Variants in GPC5 observed in about 807,000 individuals in gnomAD.
GPC5 encodes glypican-5.
In GPC5, 47 loss-of-function variants were observed where a neutral mutation model predicts 53.9. That is an observed-to-expected ratio of 0.87 (90% confidence interval 0.69 to 1.11). The LOEUF is 1.11. Among genes scored for constraint, GPC5 ranks in the 50% most tolerant of loss-of-function variants. The pLI is 0.00. For missense variants in GPC5, 748 were observed against 713.1 expected (o/e 1.05, Z -0.56); for synonymous variants, 286 against 263.3 (o/e 1.09, Z -0.84).
At chr13:92,264,676 T>A (rs2139146147) in intron 7 of GPC5, among the ~76,000 whole-genome samples, 1 of 152,216 alleles carries the variant, frequency 6.6e-6, no homozygotes, top group Non-Finnish European at 1.5e-5. Flanking sequence ...TTTTTTTTTT[T>A]TCTTATTTCT....
At chr13:92,317,668 A>AT (rs2043188579) in intron 7 of GPC5, among the ~76,000 whole-genome samples, 1 of 148,184 alleles carries the variant, frequency 6.7e-6, no homozygotes, top group African/African-American at 2.5e-5. Context: ...AATTTTTTTT[A>AT]TTTTTTTATT....
intron 2 of GPC5, among the ~76,000 whole-genome samples, chr13:91,604,084 C>T (rs914536461): frequency 3.4e-5 from 5 of 147,660 alleles, no homozygotes; most frequent in South Asian, 2.2e-4. Context: ...GTATATCTCC[C>T]GATGCTATCC....
chr13:92,648,690 G>C (rs1016120931), intron 7 of GPC5, among the ~76,000 whole-genome samples: 1 of 152,014 alleles, frequency 6.6e-6, no homozygotes, highest in African/African-American at 2.4e-5. Flanking sequence ...ATATTTAATA[G>C]AACAAAACTC....
intron 2 of GPC5, among the ~76,000 whole-genome samples, chr13:91,656,669 A>C (rs988594565): frequency 1.3e-5 from 2 of 152,188 alleles, no homozygotes; most frequent in African/African-American, 4.8e-5. Context: ...ACTTCTGTTA[A>C]GGCATTTCTG....
intron 7 of GPC5, among the ~76,000 whole-genome samples, chr13:92,251,852 A>C (rs1344764294): frequency 6.6e-6 from 1 of 152,134 alleles, no homozygotes; most frequent in African/African-American, 2.4e-5. Context: ...GCTCATTTTT[A>C]AATCACGTGT....
chr13:92,233,919 T>C (rs1426125962), intron 7 of GPC5, among the ~76,000 whole-genome samples: 1 of 152,162 alleles, frequency 6.6e-6, no homozygotes, highest in African/African-American at 2.4e-5. Context: ...TTTGGTTTTT[T>C]GTCCTTGCGA....
At chr13:92,535,893 G>GA (rs1448133511) in intron 7 of GPC5, among the ~76,000 whole-genome samples, 1 of 152,070 alleles carries the variant, frequency 6.6e-6, no homozygotes, top group African/African-American at 2.4e-5. Flanking sequence ...GGAGTAGTGT[G>GA]AGCATTGATA....
chr13:91,856,544 C>T (rs182503541), intron 5 of GPC5, among the ~76,000 whole-genome samples: 2 of 151,328 alleles, frequency 1.3e-5, no homozygotes, highest in Admixed American at 6.6e-5. Context: ...TTTGTATTTA[C>T]ACAAAATTAA....
chr13:91,970,779 T>C (rs147662237), intron 6 of GPC5, among the ~76,000 whole-genome samples: 3,599 of 152,312 alleles, frequency 0.024, 144 homozygotes, highest in African/African-American at 0.082. Flanking sequence ...TATTGATTTG[T>C]GAATGTTGAA....
chr13:91,595,825 G>C (rs1336213), intron 2 of GPC5, among the ~76,000 whole-genome samples: 2,985 of 152,208 alleles, frequency 0.02, 100 homozygotes, highest in African/African-American at 0.068. Flanking sequence ...ACCCATGTTA[G>C]CTGGCTTGCT....
At chr13:92,198,891 A>G (rs995076253) in intron 7 of GPC5, among the ~76,000 whole-genome samples, 8 of 152,198 alleles carry the variant, frequency 5.3e-5, no homozygotes, top group African/African-American at 1.9e-4. Flanking sequence ...TATTCCATTA[A>G]TTCCATACTC....
chr13:91,927,816 C>T (rs144992334), intron 6 of GPC5, among the ~76,000 whole-genome samples: 1 of 152,238 alleles, frequency 6.6e-6, no homozygotes, highest in African/African-American at 2.4e-5. Context: ...CTTCCCAAGC[C>T]ATGAATTTTA....
chr13:92,149,043 G>C (rs1377702762), intron 7 of GPC5, among the ~76,000 whole-genome samples: 1 of 151,868 alleles, frequency 6.6e-6, no homozygotes, highest in Non-Finnish European at 1.5e-5. Flanking sequence ...AATTCATTTT[G>C]GCAAGCTGGT....
rs979509433 is a variant in GPC5 at position 92,275,678 on chromosome 13, G to A, written c.1561+130689G>A. On this transcript the variant is annotated intron_variant, in intron 7 of 7. Coordinates refer to ENST00000377067, the MANE Select transcript of GPC5 (RefSeq NM_004466.6). ...GGGCCAAACCAAGCTGCAGGAAATG[G>A]TTACATAAATATACTTAATGATCCT... Among the ~76,000 whole-genome samples, 25 of 152,030 alleles carry A rather than the reference G, an allele frequency of 1.6e-4. 1 individual carries two copies. The highest frequency in any genetic ancestry group is 6.0e-4 in the African/African-American group (25 of 41,406).
intron 6 of GPC5, among the ~76,000 whole-genome samples, chr13:91,959,886 C>A (rs2040110810): frequency 6.6e-6 from 1 of 151,870 alleles, no homozygotes; most frequent in Non-Finnish European, 1.5e-5. Flanking sequence ...TGATAAAATT[C>A]AACATCTCTT....
intron 7 of GPC5, among the ~76,000 whole-genome samples, chr13:92,793,101 C>A (rs980643425): frequency 8.6e-5 from 13 of 152,038 alleles, no homozygotes; most frequent in Non-Finnish European, 1.8e-4. Flanking sequence ...AGCACCACAC[C>A]GCCCTTATTC....
At chr13:92,515,196 G>A (rs1015508573) in intron 7 of GPC5, among the ~76,000 whole-genome samples, 2 of 152,182 alleles carry the variant, frequency 1.3e-5, no homozygotes, top group African/African-American at 4.8e-5. Context: ...TTTCCACTGT[G>A]TCAGGCACCA....
intron 6 of GPC5, among the ~76,000 whole-genome samples, chr13:91,908,547 C>T (rs1269683059): frequency 6.6e-6 from 1 of 152,002 alleles, no homozygotes; most frequent in Admixed American, 6.6e-5. Flanking sequence ...TATAATCTAG[C>T]TAATGGTTGT....
At chr13:91,529,472 T>C (rs1443174779) in intron 2 of GPC5, among the ~76,000 whole-genome samples, 2 of 152,196 alleles carry the variant, frequency 1.3e-5, no homozygotes, top group African/African-American at 4.8e-5. Context: ...TCCGAAGACA[T>C]TTATCTCTCT....
Sources: allele counts gnomAD v4.1 joint callset (sites outside exome capture counted in the v4.1 genomes callset), GRCh38; gene constraint gnomAD v4.1.1; transcripts MANE v1.5; gene names NCBI Gene and HGNC (gene_info 2026-07-23, HGNC 2026-07-21).